UNC13C: variants seen among roughly 807,000 people sequenced by gnomAD.
UNC13C encodes unc-13 homolog C, also known as protein unc-13 homolog C.
In UNC13C, 174 loss-of-function variants were observed where a neutral mutation model predicts 245.4. The ratio of observed to expected loss-of-function variants is 0.71; its 90% CI spans 0.63 to 0.80. UNC13C has a LOEUF of 0.80. Ranked by LOEUF, UNC13C falls within the 30% of genes least tolerant of loss-of-function variation. UNC13C has a pLI of 0.00. For missense variants in UNC13C, 2,829 were observed against 2,602.9 expected (o/e 1.09, Z -1.89); for synonymous variants, 992 against 895.1 (o/e 1.11, Z -1.93).
chr15:54,439,190 C>T (rs1890383123), intron 19 of UNC13C, among the ~76,000 whole-genome samples: 1 of 151,928 alleles, frequency 6.6e-6, no homozygotes, highest in African/African-American at 2.4e-5. Context: ...GTTTGAAATA[C>T]AAAACACTTC....
rs73417767 is a variant in UNC13C at position 54,386,670 on chromosome 15, G to C, written c.4714-6378G>C. Among the ~76,000 whole-genome samples the C allele has an allele frequency of 7.9e-3, 1,209 of 152,308 alleles. 11 individuals are homozygous for C. Among genetic ancestry groups the C allele is most frequent in the African/African-American group, 0.028 (1,155 of 41,578 alleles). ...TTGTTGATGCAGAGATTGTGGGCCA[G>C]AGTTCTATCAGATATGGTCTAGACA... On this transcript the variant is annotated intron_variant, in intron 17 of 32. Transcript: ENST00000260323.
chr15:54,176,908 A>G (rs1321255680), intron 4 of UNC13C, among the ~76,000 whole-genome samples: 1 of 152,158 alleles, frequency 6.6e-6, no homozygotes, highest in Admixed American at 6.5e-5. Flanking sequence ...AAGACTCATC[A>G]CATTAAGGTG....
chr15:53,994,855 T>G (rs1894547875), intron 1 of UNC13C, among the ~76,000 whole-genome samples: 1 of 152,056 alleles, frequency 6.6e-6, no homozygotes, highest in African/African-American at 2.4e-5. Flanking sequence ...GATAATGACC[T>G]CAAGGGAACA....
chr15:54,552,547 T>TATATA lies in UNC13C; in HGVS notation c.5877+2858_5877+2859insATAAT, dbSNP rs1425492622. Among the ~76,000 whole-genome samples the TATATA allele has an allele frequency of 2.8e-4, 23 of 83,596 alleles. 1 individual carries two copies. The highest frequency in any genetic ancestry group is 6.8e-4 in the East Asian group (2 of 2,940). 54.8% of individuals were successfully genotyped at this position (83,596 alleles called of 152,430 possible). ...TATATAATAATATAATTATATATTA[T>TATATA]ATTGTATATAATTATATATTATATA... On this transcript the variant is annotated intron_variant, in intron 28 of 32. Coordinates refer to ENST00000260323, the MANE Select transcript of UNC13C (RefSeq NM_001080534.3).
At chr15:53,931,461 G>A in the UNC13C span, among the ~76,000 whole-genome samples, 11 of 152,208 alleles carry the variant, frequency 7.2e-5, no homozygotes, top group African/African-American at 2.6e-4. Flanking sequence ...GAGCCATTGC[G>A]CTTGGCCTTT....
In UNC13C at chr15:54,418,662, G is replaced by A. The variant is rs150499634; in HGVS notation, c.4933+3595G>A. Among the ~76,000 whole-genome samples, 20 of 152,214 alleles carry A rather than the reference G, an allele frequency of 1.3e-4. No homozygotes were observed. In the East Asian group the frequency reaches 3.5e-3, roughly 27 times the overall value. On this transcript the variant is annotated intron_variant, in intron 19 of 32. Coordinates refer to ENST00000260323, the MANE Select transcript of UNC13C (RefSeq NM_001080534.3). ...CACATTATAATTAAAAACTGGGAGG[G>A]TTGGGGGCTTGGTAAATATATCCTG...
chr15:53,893,311 C>A, the UNC13C span, among the ~76,000 whole-genome samples: 2 of 152,150 alleles, frequency 1.3e-5, no homozygotes, highest in Non-Finnish European at 2.9e-5. Flanking sequence ...GAGTTATCTC[C>A]CAGTCAGGAT....
intron 19 of UNC13C, among the ~76,000 whole-genome samples, chr15:54,482,212 G>A (rs1489910989): frequency 6.6e-6 from 1 of 152,104 alleles, no homozygotes; most frequent in Non-Finnish European, 1.5e-5. Context: ...GAAGGACATA[G>A]GGGGATGTCA....
chr15:54,524,573 G>C (rs1301696624), intron 24 of UNC13C, among the ~76,000 whole-genome samples: 1 of 152,130 alleles, frequency 6.6e-6, no homozygotes, highest in Non-Finnish European at 1.5e-5. Context: ...CTTCCTAACA[G>C]TTCCTTAGTA....
At chr15:54,484,964 ATTAT>A (rs1451495746) in intron 19 of UNC13C, among the ~76,000 whole-genome samples, 19 of 152,008 alleles carry the variant, frequency 1.2e-4, no homozygotes, top group Admixed American at 9.8e-4. Context: ...CTTGAAACTG[ATTAT>A]TTATGAGTGG....
chr15:54,359,959 T>C (rs1422257985), intron 17 of UNC13C, among the ~76,000 whole-genome samples: 1 of 151,998 alleles, frequency 6.6e-6, no homozygotes, highest in Non-Finnish European at 1.5e-5. Context: ...TTTATTGCTA[T>C]AACTTCCCTC....
At chr15:54,050,377 T>C (rs1323888779) in intron 2 of UNC13C, 10 of 558,886 alleles carry the variant, frequency 1.8e-5, no homozygotes, top group Non-Finnish European at 3.6e-5. Flanking sequence ...CTCCTCCTTT[T>C]TCTGTACTTG....
At chr15:54,060,172 G>A (rs1897745439) in intron 2 of UNC13C, among the ~76,000 whole-genome samples, 1 of 152,096 alleles carries the variant, frequency 6.6e-6, no homozygotes, top group Non-Finnish European at 1.5e-5. Context: ...CCATCAGAGT[G>A]AACAGGCAAC....
chr15:54,234,214 T>TAG (rs1265851517), intron 4 of UNC13C, among the ~76,000 whole-genome samples: 15 of 148,622 alleles, frequency 1.0e-4, no homozygotes, highest in African/African-American at 3.8e-4. Context: ...AACATATATA[T>TAG]ATAAGTTTAG....
At chr15:54,156,900 G>C (rs1459496770) in intron 4 of UNC13C, among the ~76,000 whole-genome samples, 1 of 151,684 alleles carries the variant, frequency 6.6e-6, no homozygotes, top group Non-Finnish European at 1.5e-5. Flanking sequence ...AAAGAGCTGA[G>C]GATGGCAATT....
chr15:54,094,619 G>C (rs1013709109), intron 2 of UNC13C, among the ~76,000 whole-genome samples: 1 of 152,090 alleles, frequency 6.6e-6, no homozygotes, highest in Non-Finnish European at 1.5e-5. Flanking sequence ...ATGACAACTT[G>C]AGCAGATCCC....
At chr15:54,631,162 G>A (rs1397651364), downstream of UNC13C, 3 of 151,782 alleles carry the variant, frequency 2.0e-5, no homozygotes, top group East Asian at 1.9e-4. Flanking sequence ...CCTAGTCAAC[G>A]TGGCAAAGCC....
rs775116855 is a variant in UNC13C, at chr15:54,511,772, A to G, written c.5399A>G (p.Asn1800Ser). ...KENVPCILMNNIQQLRVQLEK... is the reference protein window; with the variant it reads ...KENVPCILMNSIQQLRVQLEK... ...TTAAAGCCCTGTATCTTGATGAACAATATTCAACAATTGCGGGTCCAGCTG... is the reference window on the plus strand; with the variant it reads ...TTAAAGCCCTGTATCTTGATGAACAGTATTCAACAATTGCGGGTCCAGCTG... The change falls in exon 24 of 33, where the codon AAT (asparagine) becomes AGT (serine). Residue 1800 changes from asparagine to serine, a missense_variant. Coordinates refer to ENST00000260323, the MANE Select transcript of UNC13C (RefSeq NM_001080534.3). 2.5e-6 allele frequency: 4 copies of G among 1,608,994 alleles called. No homozygotes were observed. In the African/African-American group the frequency reaches 4.0e-5, roughly 16 times the overall value.
intron 15 of UNC13C, among the ~76,000 whole-genome samples, chr15:54,333,259 A>G (rs2038487450): frequency 6.6e-6 from 1 of 152,122 alleles, no homozygotes; most frequent in African/African-American, 2.4e-5. Context: ...AACCTCGCTA[A>G]AAGAAACCTT....
Sources: allele counts gnomAD v4.1 joint callset (sites outside exome capture counted in the v4.1 genomes callset), GRCh38; gene constraint gnomAD v4.1.1; transcripts MANE v1.5; gene names NCBI Gene and HGNC (gene_info 2026-07-23, HGNC 2026-07-21).